The following NPHP4 variants were observed in gnomAD, a reference collection of about 807,000 sequenced individuals.
NPHP4 encodes the protein nephrocystin 4.
In NPHP4, 151 loss-of-function variants were observed where a neutral mutation model predicts 155.8. The ratio of observed to expected loss-of-function variants is 0.97; its 90% CI spans 0.85 to 1.11. NPHP4 has a LOEUF of 1.11. NPHP4 is among the 50% of genes least tolerant of loss of function. The probability of loss-of-function intolerance (pLI) is 0.00; values close to 1 mark genes in which losing one functional copy is unlikely to be tolerated. For missense variants in NPHP4, 1,956 were observed against 1,925.7 expected (o/e 1.02, Z -0.29); for synonymous variants, 845 against 816.8 (o/e 1.03, Z -0.59).
intron 6 of NPHP4, among the ~76,000 whole-genome samples, chr1:5,954,667 C>T (rs1648840767): frequency 6.6e-6 from 1 of 152,088 alleles, no homozygotes; most frequent in Non-Finnish European, 1.5e-5. Context: ...GATGAGACGC[C>T]CTACCTCTCT....
intron 6 of NPHP4, among the ~76,000 whole-genome samples, chr1:5,958,166 G>T (rs1484706232): frequency 6.6e-6 from 1 of 152,240 alleles, no homozygotes; most frequent in African/African-American, 2.4e-5. Flanking sequence ...TGAACTTCGT[G>T]GTTTTAAAAC....
intron 9 of NPHP4, among the ~76,000 whole-genome samples, chr1:5,940,864 A>G (rs1490808351): frequency 6.6e-6 from 1 of 152,208 alleles, no homozygotes; most frequent in Non-Finnish European, 1.5e-5. Flanking sequence ...TGAGATGTAA[A>G]ATTCTCTCTA....
At position 5,877,316 on chromosome 1, in the gene NPHP4, C is replaced by A. The variant is rs773258494; in HGVS notation, c.2612-18G>T. The stretch of plus-strand genomic sequence containing the variant: ...GTGTTTTCCTGCGAAAGGGTCAGAG[C>A]GCGAGTCAGGTAGACGTGCAGTGTC... On this transcript the variant is annotated intron_variant, in intron 19 of 29. Transcript: ENST00000378156. The A allele has an allele frequency of 1.3e-6, 2 of 1,568,682 alleles. No homozygotes were observed. Among genetic ancestry groups the A allele is most frequent in the South Asian group, 2.3e-5 (2 of 86,416 alleles).
intron 9 of NPHP4, among the ~76,000 whole-genome samples, chr1:5,935,016 G>A (rs1002075758): frequency 2.0e-5 from 3 of 152,098 alleles, no homozygotes; most frequent in Non-Finnish European, 4.4e-5. Context: ...TGCTCTCAAG[G>A]CCTCTAAAAT....
At chr1:5,899,374 C>A (rs1437342082) in intron 16 of NPHP4, among the ~76,000 whole-genome samples, 1 of 152,154 alleles carries the variant, frequency 6.6e-6, no homozygotes, top group Non-Finnish European at 1.5e-5. Flanking sequence ...ACCCCACAGA[C>A]AAGAGGCCAG....
Position 5,874,920 on chromosome 1 carries a change from T to C in NPHP4, c.2998A>G (p.Asn1000Asp), listed in dbSNP as rs766073255. The change falls in exon 21 of 30, where the codon AAC (asparagine) becomes GAC (aspartate). Residue 1000 changes from asparagine (N) to aspartate (D), a missense_variant. By Grantham distance (23) the Asn-to-Asp change is conservative (BLOSUM62 1). Transcript: ENST00000378156. ...TCCACAGTCACCGTGTGCTGTGTGT[T>C]GTGGGGGTTCTTAAGCACAAACTCA... is the stretch of plus-strand genomic sequence containing the variant. The part of the protein sequence containing the change: ...FFEFVLKNPH[N>D]TQHTVTVEID... The C allele has an allele frequency of 5.6e-6, 9 of 1,613,604 alleles. No individual in the cohort carries two copies. In the East Asian group the frequency reaches 1.6e-4, roughly 28 times the overall value.
Position 5,862,905 on chromosome 1 carries a change from A to AAG in NPHP4, c.*359_*360insCT. 1 of 276,210 alleles carries AAG rather than the reference A, an allele frequency of 3.6e-6. No homozygotes were observed. Among genetic ancestry groups the AAG allele is most frequent in the Non-Finnish European group, 7.1e-6 (1 of 141,628 alleles). The allele number at this position is 276,210 out of a possible 1,614,324, so 17.1% of individuals were successfully genotyped here. ...ATAGCAAATAATAGATTATGTTTGT[A>AAG]CAAAATCCAGTAAGAAAAACATAAT... On this transcript the variant is annotated 3_prime_UTR_variant, in exon 30 of 30. Coordinates refer to ENST00000378156, the MANE Select transcript of NPHP4 (RefSeq NM_015102.5).
intron 16 of NPHP4, among the ~76,000 whole-genome samples, chr1:5,893,393 T>G (rs937774735): frequency 1.3e-5 from 2 of 152,148 alleles, no homozygotes; most frequent in Non-Finnish European, 2.9e-5. Flanking sequence ...TCTCCAATGA[T>G]AGGTAAGGTC....
intron 5 of NPHP4, among the ~76,000 whole-genome samples, chr1:5,965,635 C>G (rs997182634): frequency 6.6e-6 from 1 of 152,162 alleles, no homozygotes; most frequent in Non-Finnish European, 1.5e-5. Context: ...GCCTTGAAAA[C>G]TGAGTTCCAG....
At chr1:5,943,923 C>T (rs928085791) in intron 9 of NPHP4, among the ~76,000 whole-genome samples, 1 of 151,620 alleles carries the variant, frequency 6.6e-6, no homozygotes, top group Non-Finnish European at 1.5e-5. Flanking sequence ...TGGAACGGGA[C>T]GGGAGAAAGA....
chr1:5,891,025 G>A lies in NPHP4; in HGVS notation c.2147C>T (p.Ser716Phe), dbSNP rs1376989593. The A allele has an allele frequency of 1.1e-5, 17 of 1,542,054 alleles. No homozygotes were observed. Among genetic ancestry groups the A allele is most frequent in the Non-Finnish European group, 1.5e-5 (17 of 1,131,806 alleles). The change falls in exon 17 of 30, where the codon TCT (serine) becomes TTT (phenylalanine). Residue 716 changes from serine (S) to phenylalanine (F), a missense_variant. Ser to Phe is a radical substitution (Grantham distance 155). Transcript: ENST00000378156. ...VSRDGTFDAG[S>F]PGFQLRYMVG... is the part of the protein sequence containing the mutation. The stretch of plus-strand genomic sequence containing the variant: ...CATGTACCTCAGCTGGAAGCCAGGA[G>A]ACCCTGTCAAAGAGGCACCAAAGGA...
At chr1:5,924,798 G>A (rs571738052) in intron 11 of NPHP4, among the ~76,000 whole-genome samples, 9 of 152,164 alleles carry the variant, frequency 5.9e-5, no homozygotes, top group African/African-American at 9.6e-5. Flanking sequence ...GGGACTAAAG[G>A]TGCACACCAC....
chr1:5,933,580 T>C (rs369534370), intron 9 of NPHP4, among the ~76,000 whole-genome samples: 2 of 152,148 alleles, frequency 1.3e-5, no homozygotes, highest in Admixed American at 1.3e-4. Context: ...TGCCCACCCA[T>C]GAGTCTCCTT....
At position 5,948,330 on chromosome 1, in the gene NPHP4, C is replaced by T. The variant is rs571486832; in HGVS notation, c.811-79G>A. 2.7e-3 allele frequency: 2,932 copies of T among 1,104,996 alleles called. 4 individuals carry two copies. Among genetic ancestry groups the T allele is most frequent in the Non-Finnish European group, 3.3e-3 (2,592 of 795,224 alleles). 68.4% of individuals were successfully genotyped at this position (1,104,996 alleles called of 1,614,324 possible). A position where few individuals can be genotyped will look rare whatever the true frequency, so the allele number is the denominator to read the frequency against. ...GCCAGAAGTCCCTGGGGGAGGCGAG[C>T]AGAGAGAAGAAACTGGAGCAGAAGT... is the stretch of plus-strand genomic sequence containing the variant. On this transcript the variant is annotated intron_variant, in intron 7 of 29. Coordinates refer to ENST00000378156, the MANE Select transcript of NPHP4 (RefSeq NM_015102.5).
rs66676950 is a variant in NPHP4 at position 5,941,289 on chromosome 1, CAAAAAAAAAAAAA to C, written c.1119+5802_1119+5814del. Among the ~76,000 whole-genome samples the C allele has an allele frequency of 1.6e-4, 7 of 44,764 alleles. No individual in the cohort carries two copies. In the East Asian group the frequency reaches 5.0e-3, roughly 32 times the overall value. The allele number at this position is 44,764 out of a possible 152,430, so 29.4% of individuals were successfully genotyped here. On this transcript the variant is annotated intron_variant, in intron 9 of 29. Transcript: ENST00000378156. ...TCACACCACAAACAAGAGATCTAGACAAAAAAAAAAAAAAAAAAAAAAAAAGGGCAGGAGAAAC... is the reference window on the plus strand; with the variant it reads ...TCACACCACAAACAAGAGATCTAGACAAAAAAAAAAAAGGGCAGGAGAAAC...
chr1:5,949,404 C>T (rs1163921981), intron 7 of NPHP4, among the ~76,000 whole-genome samples: 1 of 142,098 alleles, frequency 7.0e-6, no homozygotes, highest in Non-Finnish European at 1.5e-5. Context: ...AGGATGAGCA[C>T]CTGAATCATT....
At chr1:5,911,098 C>A (rs958219693) in intron 11 of NPHP4, among the ~76,000 whole-genome samples, 1 of 152,240 alleles carries the variant, frequency 6.6e-6, no homozygotes, top group African/African-American at 2.4e-5. Flanking sequence ...AGGGAGTTAG[C>A]AAATGATCTA....
intron 16 of NPHP4, among the ~76,000 whole-genome samples, chr1:5,897,776 T>C (rs1644467180): frequency 6.6e-6 from 1 of 152,158 alleles, no homozygotes; most frequent in Non-Finnish European, 1.5e-5. Context: ...ACTATGAAAT[T>C]TGTGTTATCT....
intron 16 of NPHP4, among the ~76,000 whole-genome samples, chr1:5,894,931 C>A (rs539565144): frequency 6.6e-6 from 1 of 152,290 alleles, no homozygotes; most frequent in South Asian, 2.1e-4. Context: ...GTGGAACCAA[C>A]CCAAATGTCC....
Sources: allele counts gnomAD v4.1 joint callset (sites outside exome capture counted in the v4.1 genomes callset), GRCh38; gene constraint gnomAD v4.1.1; transcripts MANE v1.5; gene names NCBI Gene and HGNC (gene_info 2026-07-23, HGNC 2026-07-21).